ZBED4: variants seen among roughly 807,000 people sequenced by gnomAD.
The protein encoded by ZBED4 is zinc finger BED domain-containing protein 4.
ZBED4 carries 4 observed loss-of-function variants against 15.5 expected under a neutral mutation model. That is an observed-to-expected ratio of 0.26 (90% CI 0.13 to 0.59). ZBED4 has a LOEUF of 0.59. Among genes scored for constraint, ZBED4 ranks in the 20% least tolerant of loss-of-function variants. The pLI, the probability that ZBED4 is intolerant of heterozygous loss-of-function variation, is 0.90. For missense variants in ZBED4, 1,323 were observed against 1,461.8 expected (o/e 0.91, Z 1.55); for synonymous variants, 692 against 608.5 (o/e 1.14, Z -2.02).
chr22:49,886,230 C>T lies in ZBED4; in HGVS notation c.2568C>T (p.Ile856=). 1.1e-6 allele frequency: 1 copy of T among 915,622 alleles called. No individual in the cohort carries two copies. Among genetic ancestry groups the T allele is most frequent in the Non-Finnish European group, 1.7e-6 (1 of 575,564 alleles). 56.7% of individuals were successfully genotyped at this position (915,622 alleles called of 1,614,324 possible). The change falls in exon 2 of 2, where the codon ATC becomes ATT. Residue 856 remains isoleucine, a synonymous_variant. Coordinates refer to ENST00000216268, the MANE Select transcript of ZBED4 (RefSeq NM_014838.3). This position sits in a 1 kb window ranked among gnomAD's most constrained non-coding sequence, Gnocchi z 7.7. ...VQNLLSLARK[I]CERVHRSPKA... ...ACCTGCTGAGCCTCGCCCGGAAGAT[C>T]TGCGAGCGGGTGCACCGGTCGCCCA...
At chr22:49,881,764 T>C (rs6009914) in intron 1 of ZBED4, among the ~76,000 whole-genome samples, 9,347 of 152,164 alleles carry the variant, frequency 0.061, 775 homozygotes, top group African/African-American at 0.19. Context: ...AACTTGTGGT[T>C]TCAAGCGATC....
intron 1 of ZBED4, among the ~76,000 whole-genome samples, chr22:49,869,951 T>A (rs917666473): frequency 6.6e-6 from 1 of 152,208 alleles, no homozygotes; most frequent in Non-Finnish European, 1.5e-5. Flanking sequence ...TTTTTCAGTC[T>A]TGTCCCCTCC....
chr22:49,856,196 CTT>C lies in ZBED4; in HGVS notation c.-330+2209_-330+2210del, dbSNP rs1455754082. On this transcript the variant is annotated intron_variant, in intron 1 of 1. Transcript: ENST00000216268. Reference sequence around the variant, plus strand: ...GGCATTGTTAGGAATAAAATAAGCTCTTTGCCATTTCTGAGGCGGAGGGGAGC... The same window carrying C: ...GGCATTGTTAGGAATAAAATAAGCTCTGCCATTTCTGAGGCGGAGGGGAGC... 3.9e-5 allele frequency among the ~76,000 whole-genome samples: 6 copies of C among 152,328 alleles called. No individual in the cohort carries two copies. The East Asian group carries it at 9.6e-4, about 24-fold the overall frequency.
rs2060431345 is a variant in ZBED4, at chr22:49,885,197, A to G, written c.1535A>G (p.Gln512Arg). ...YRRHPEVVGSQKGFLGASLAN... is the reference protein window; with the variant it reads ...YRRHPEVVGSRKGFLGASLAN... ...CGCCATCCAGAAGTTGTCGGGAGCC[A>G]GAAGGGCTTCCTGGGTGCAAGTCTG... The change falls in exon 2 of 2, where the codon CAG (glutamine) becomes CGG (arginine). Residue 512 changes from glutamine (Q) to arginine (R), a missense_variant. Transcript: ENST00000216268. 1 of 1,613,824 alleles carries G rather than the reference A, an allele frequency of 6.2e-7. No homozygotes were observed.
rs2060425262 is a variant in ZBED4, at chr22:49,884,339, C to T, written c.677C>T (p.Ser226Phe). 7 of 1,613,480 alleles carry T rather than the reference C, an allele frequency of 4.3e-6. No individual in the cohort carries two copies. In the Admixed American group the frequency reaches 5.0e-5, roughly 12 times the overall value. ...IPSPDRITEE[S>F]VSVVSSEEIS... ...TCCCCCGATCGAATAACAGAGGAGT[C>T]TGTGTCTGTAGTTTCTTCTGAAGAA... is the stretch of plus-strand genomic sequence containing the variant. The change falls in exon 2 of 2, where the codon TCT (serine) becomes TTT (phenylalanine). Residue 226 changes from serine to phenylalanine, a missense_variant. Physicochemically the swap from Ser to Phe is radical, Grantham distance 155. Coordinates refer to ENST00000216268, the MANE Select transcript of ZBED4 (RefSeq NM_014838.3).
chr22:49,860,183 C>T (rs2060290784), intron 1 of ZBED4, among the ~76,000 whole-genome samples: 1 of 152,242 alleles, frequency 6.6e-6, no homozygotes, highest in Non-Finnish European at 1.5e-5. Flanking sequence ...CCTGGAGTTC[C>T]AGCTACTCAG....
intron 1 of ZBED4, among the ~76,000 whole-genome samples, chr22:49,865,647 T>C (rs2060319074): frequency 6.6e-6 from 1 of 152,030 alleles, no homozygotes; most frequent in Non-Finnish European, 1.5e-5. Context: ...TGCACTCCAG[T>C]CTGGGCGACA....
At chr22:49,859,030 C>G (rs912458040) in intron 1 of ZBED4, among the ~76,000 whole-genome samples, 1 of 152,098 alleles carries the variant, frequency 6.6e-6, no homozygotes, top group Admixed American at 6.6e-5. Flanking sequence ...CCCTGCCCCC[C>G]ACAGTTGGCG....
At chr22:49,852,973 G>C (rs891011737), upstream of ZBED4, 1 of 152,284 alleles carries the variant, frequency 6.6e-6, no homozygotes, top group Non-Finnish European at 1.5e-5. Context: ...ACAGCCGCGG[G>C]GCAGGGGCGG....
At chr22:49,862,396 G>A (rs937942677) in intron 1 of ZBED4, among the ~76,000 whole-genome samples, 4 of 152,344 alleles carry the variant, frequency 2.6e-5, no homozygotes, top group Admixed American at 2.0e-4. Flanking sequence ...AAGCCACTGC[G>A]CCCAGCCTAG....
intron 1 of ZBED4, among the ~76,000 whole-genome samples, chr22:49,863,164 T>G (rs2060305137): frequency 6.6e-6 from 1 of 152,150 alleles, no homozygotes; most frequent in Admixed American, 6.6e-5. Context: ...TTTGGTTTCT[T>G]GTAGATTGTG....
intron 1 of ZBED4, among the ~76,000 whole-genome samples, chr22:49,856,361 A>C (rs565394186): frequency 2.6e-5 from 4 of 152,206 alleles, no homozygotes; most frequent in Non-Finnish European, 4.4e-5. Flanking sequence ...CTTCAAGGAG[A>C]AACACCGGCA....
At position 49,884,532 on chromosome 22, in the gene ZBED4, C is replaced by T; in HGVS notation, c.870C>T (p.Val290=). Residue 290 remains valine (V), a synonymous_variant, in exon 2 of 2, where the codon GTC becomes GTT. Transcript: ENST00000216268. The stretch of plus-strand genomic sequence containing the variant: ...CTGGGTCCAGGAGAAGGTCCGCTGT[C>T]TGGAAGCACTTCTACCTGTCGCCAC... ...STSGSRRRSA[V]WKHFYLSPLD... 6.2e-7 allele frequency: 1 copy of T among 1,614,084 alleles called. No homozygotes were observed. The highest frequency in any genetic ancestry group is 8.5e-7 in the Non-Finnish European group (1 of 1,179,980).
chr22:49,865,912 A>G (rs1569158567), intron 1 of ZBED4, among the ~76,000 whole-genome samples: 2 of 137,254 alleles, frequency 1.5e-5, no homozygotes, highest in South Asian at 2.3e-4. Flanking sequence ...GGGTCTCACT[A>G]TATTGCCCAG....
At chr22:49,880,621 C>T (rs901528863) in intron 1 of ZBED4, among the ~76,000 whole-genome samples, 1 of 152,244 alleles carries the variant, frequency 6.6e-6, no homozygotes, top group South Asian at 2.1e-4. Flanking sequence ...TGAGGTCAAC[C>T]TGGTTTCCTT....
rs1295686878 is a variant in ZBED4, at chr22:49,853,927, A to C, written c.-392A>C. The C allele has an allele frequency of 7.1e-6, 1 of 140,844 alleles. No individual in the cohort carries two copies. The allele number at this position is 140,844 out of a possible 1,614,324, so 8.7% of individuals were successfully genotyped here. A position where few individuals can be genotyped will look rare whatever the true frequency, so the allele number is the denominator to read the frequency against. On this transcript the variant is annotated 5_prime_UTR_variant, in exon 1 of 2. Transcript: ENST00000216268. The stretch of plus-strand genomic sequence containing the variant: ...CAGACAAAGCCGCGGTAATGAATGG[A>C]GCGTCCGCCCGCGCCGCCGTCGTCC...
In ZBED4 at chr22:49,885,383, C is replaced by G. The variant is rs1473349520; in HGVS notation, c.1721C>G (p.Ser574Cys). The G allele has an allele frequency of 1.3e-6, 2 of 1,596,450 alleles. No homozygotes were observed. The highest frequency in any genetic ancestry group is 3.4e-5 in the Admixed American group (2 of 58,148). Residue 574 changes from serine (S) to cysteine (C), a missense_variant, in exon 2 of 2, where the codon TCC (serine) becomes TGC (cysteine). Ser to Cys is a moderately radical substitution (Grantham distance 112, BLOSUM62 -1). Around this residue, in one of 6 missense-constraint regions of ZBED4, gnomAD observed 429 missense variants for 397.9 expected, o/e 1.08. Coordinates refer to ENST00000216268, the MANE Select transcript of ZBED4 (RefSeq NM_014838.3). ...WNHFSICSAD[S>C]TKVVCLHCGR... ...CATTTTTCTATTTGCTCCGCAGACT[C>G]CACAAAAGTCGTGTGCTTGCACTGT...
rs563645967 is a variant in ZBED4 at position 49,880,550 on chromosome 22, C to T, written c.-329-2784C>T. ...TTCTGTGATCACTGTCCTGTGCTTT[C>T]TCTTCTCTCTCAGCGTCTGAAAACG... On this transcript the variant is annotated intron_variant, in intron 1 of 1. Coordinates refer to ENST00000216268, the MANE Select transcript of ZBED4 (RefSeq NM_014838.3). Among the ~76,000 whole-genome samples, 7 of 152,334 alleles carry T rather than the reference C, an allele frequency of 4.6e-5. No homozygotes were observed. In the South Asian group the frequency reaches 1.4e-3, roughly 32 times the overall value.
intron 1 of ZBED4, among the ~76,000 whole-genome samples, chr22:49,869,181 C>A (rs1236326540): frequency 6.6e-6 from 1 of 151,224 alleles, no homozygotes; most frequent in African/African-American, 2.4e-5. Context: ...GTCTTGTGAT[C>A]TCAGGGTCAG....
Sources: allele counts gnomAD v4.1 joint callset (sites outside exome capture counted in the v4.1 genomes callset), GRCh38; gene constraint gnomAD v4.1.1; regional missense constraint gnomAD v4.1.1; non-coding constraint Gnocchi (gnomAD v3.1); transcripts MANE v1.5; gene names NCBI Gene and HGNC (gene_info 2026-07-23, HGNC 2026-07-21).